Variants in GPC5 observed in about 807,000 individuals in gnomAD.
GPC5 encodes glypican 5.
GPC5 carries 47 observed loss-of-function variants against 53.9 expected under a neutral mutation model. The observed-to-expected ratio is 0.87, with a 90% CI of 0.69 to 1.11. GPC5 has a LOEUF of 1.11. GPC5 is among the 50% of genes most tolerant of loss of function. The pLI, the probability that GPC5 is intolerant of heterozygous loss-of-function variation, is 0.00. For synonymous variants in GPC5, 286 were observed against 263.3 expected (o/e 1.09, Z -0.84); for missense variants, 748 against 713.1 (o/e 1.05, Z -0.56).
intron 7 of GPC5, among the ~76,000 whole-genome samples, chr13:92,558,418 C>T (rs1261666032): frequency 6.6e-6 from 1 of 151,932 alleles, no homozygotes; most frequent in Admixed American, 6.6e-5. Context: ...CACAAAAGTG[C>T]ACATAATTGC....
At chr13:91,998,673 T>C (rs1210634983) in intron 6 of GPC5, among the ~76,000 whole-genome samples, 1 of 152,178 alleles carries the variant, frequency 6.6e-6, no homozygotes, top group Non-Finnish European at 1.5e-5. Flanking sequence ...AAACTGAAAA[T>C]GAGTGTGGCT....
rs954409947 is a variant in GPC5 at position 91,433,806 on chromosome 13, T to C, written c.164-14955T>C. On this transcript the variant is annotated intron_variant, in intron 1 of 7. Coordinates refer to ENST00000377067, the MANE Select transcript of GPC5 (RefSeq NM_004466.6). Reference sequence around the variant, plus strand: ...CTTCCACGATGGTTGAACTAGTTTATAGTCCCACCAACAGTGTAAAAGTGT... The same window carrying C: ...CTTCCACGATGGTTGAACTAGTTTACAGTCCCACCAACAGTGTAAAAGTGT... Among the ~76,000 whole-genome samples the C allele has an allele frequency of 8.7e-3, 1,329 of 152,176 alleles. 21 individuals are homozygous for C. The highest frequency in any genetic ancestry group is 0.078 in the South Asian group (374 of 4,798).
At chr13:92,763,588 G>A (rs1052457141) in intron 7 of GPC5, among the ~76,000 whole-genome samples, 1 of 152,176 alleles carries the variant, frequency 6.6e-6, no homozygotes, top group South Asian at 2.1e-4. Flanking sequence ...CAGAGCACAG[G>A]TACTCAGAGC....
intron 7 of GPC5, among the ~76,000 whole-genome samples, chr13:92,685,546 T>TTTTTTTTTTTTTAATTTTTTTTTTTAA (rs1887240877): frequency 1.1e-5 from 1 of 93,688 alleles, no homozygotes; most frequent in Admixed American, 1.4e-4. Flanking sequence ...TTATGCTCAT[T>TTTTTTTTTTTTTAATTTTTTTTTTTAA]TTTTTTTTTT....
At chr13:92,106,233 G>A (rs2041508611) in intron 6 of GPC5, among the ~76,000 whole-genome samples, 2 of 151,800 alleles carry the variant, frequency 1.3e-5, no homozygotes. Flanking sequence ...AATATGTGAG[G>A]ATCTCCTAAA....
rs78877960 is a variant in GPC5, at chr13:91,866,409, T to C, written c.1281-41528T>C. Among the ~76,000 whole-genome samples the C allele has an allele frequency of 2.8e-3, 424 of 152,270 alleles. 2 individuals are homozygous for C. The highest frequency in any genetic ancestry group is 9.5e-3 in the African/African-American group (395 of 41,546). On this transcript the variant is annotated intron_variant, in intron 5 of 7. Coordinates refer to ENST00000377067, the MANE Select transcript of GPC5 (RefSeq NM_004466.6). ...GGAGGTGGGCTTAGTAAAAGGTGTT[T>C]TTTTCCCAAAGGTGGATCCCCATGA...
Position 91,448,757 on chromosome 13 carries a change from C to T in GPC5, c.164-4C>T. 3 of 1,611,018 alleles carry T rather than the reference C, an allele frequency of 1.9e-6. No homozygotes were observed. The highest frequency in any genetic ancestry group is 2.5e-6 in the Non-Finnish European group (3 of 1,178,974). On this transcript the variant is annotated splice_region_variant and splice_polypyrimidine_tract_variant and intron_variant, in intron 1 of 7. Coordinates refer to ENST00000377067, the MANE Select transcript of GPC5 (RefSeq NM_004466.6). ...ATCATTCTGAAAAATGTTGTGTGTT[C>T]CAGGACCTGATCTTCAGGTTTGCAT...
chr13:91,558,572 C>T (rs2031085145), intron 2 of GPC5, among the ~76,000 whole-genome samples: 1 of 152,034 alleles, frequency 6.6e-6, no homozygotes, highest in South Asian at 2.1e-4. Flanking sequence ...TGTGCTTGCT[C>T]CTGTAGCACT....
At chr13:91,566,578 A>G (rs1216518903) in intron 2 of GPC5, among the ~76,000 whole-genome samples, 2 of 151,998 alleles carry the variant, frequency 1.3e-5, no homozygotes, top group African/African-American at 4.8e-5. Flanking sequence ...AAAAACAAAA[A>G]AATTTCTGAA....
chr13:92,555,679 G>A (rs528514805), intron 7 of GPC5, among the ~76,000 whole-genome samples: 2 of 149,494 alleles, frequency 1.3e-5, no homozygotes, highest in African/African-American at 4.9e-5. Flanking sequence ...ATAAGAATAT[G>A]GGCTTTTAGG....
intron 1 of GPC5, among the ~76,000 whole-genome samples, chr13:91,431,903 A>T (rs1461120184): frequency 6.6e-6 from 1 of 152,178 alleles, no homozygotes; most frequent in Non-Finnish European, 1.5e-5. Context: ...CAAGGTCTTT[A>T]GTGTGTATAG....
At chr13:91,778,293 G>T (rs1248691024) in intron 5 of GPC5, among the ~76,000 whole-genome samples, 1 of 152,146 alleles carries the variant, frequency 6.6e-6, no homozygotes, top group East Asian at 1.9e-4. Flanking sequence ...CAGCTGAGTA[G>T]CCAGTTGAAG....
In GPC5 at chr13:91,848,146, G is replaced by A. The variant is rs116789166; in HGVS notation, c.1281-59791G>A. On this transcript the variant is annotated intron_variant, in intron 5 of 7. Transcript: ENST00000377067. ...ATAATTATTAATTGGAACTAATTTC[G>A]GACCATGCATTTACATGCCAGTTTT... 5.8e-3 allele frequency among the ~76,000 whole-genome samples: 881 copies of A among 152,184 alleles called. 10 individuals are homozygous for A. Among genetic ancestry groups the A allele is most frequent in the African/African-American group, 0.02 (844 of 41,502 alleles).
intron 7 of GPC5, among the ~76,000 whole-genome samples, chr13:92,374,037 T>C (rs1460466742): frequency 6.6e-6 from 1 of 152,200 alleles, no homozygotes; most frequent in East Asian, 1.9e-4. Flanking sequence ...TGCCATATCC[T>C]ATAAATGAAA....
intron 7 of GPC5, among the ~76,000 whole-genome samples, chr13:92,706,697 T>G (rs1478961653): frequency 6.6e-6 from 1 of 152,152 alleles, no homozygotes; most frequent in African/African-American, 2.4e-5. Context: ...CACTCTAATA[T>G]TTTCCGCTAA....
intron 7 of GPC5, among the ~76,000 whole-genome samples, chr13:92,659,826 G>C (rs1200236793): frequency 6.6e-6 from 1 of 152,138 alleles, no homozygotes; most frequent in Admixed American, 6.5e-5. Context: ...AGCTGATCTG[G>C]GATATGAGAG....
intron 5 of GPC5, among the ~76,000 whole-genome samples, chr13:91,807,399 T>C (rs773005314): frequency 4.6e-4 from 70 of 152,194 alleles, no homozygotes; most frequent in Non-Finnish European, 9.0e-4. Flanking sequence ...TTCATGCATG[T>C]AAGTAGAGGA....
At chr13:91,447,517 G>T (rs1880890235) in intron 1 of GPC5, among the ~76,000 whole-genome samples, 1 of 152,056 alleles carries the variant, frequency 6.6e-6, no homozygotes, top group African/African-American at 2.4e-5. Context: ...TTAAACTACA[G>T]CCAAAATCGT....
intron 7 of GPC5, among the ~76,000 whole-genome samples, chr13:92,512,016 G>A (rs1880583883): frequency 6.6e-6 from 1 of 152,072 alleles, no homozygotes. Flanking sequence ...TGGGTGTCTG[G>A]GCTAGAATCA....
Sources: allele counts gnomAD v4.1 joint callset (sites outside exome capture counted in the v4.1 genomes callset), GRCh38; gene constraint gnomAD v4.1.1; transcripts MANE v1.5; gene names NCBI Gene and HGNC (gene_info 2026-07-23, HGNC 2026-07-21).